ACP1: variants seen among roughly 807,000 people sequenced by gnomAD.
ACP1 encodes the protein acid phosphatase 1.
In ACP1, 23 loss-of-function variants were observed where a neutral mutation model predicts 23.4. The ratio of observed to expected loss-of-function variants is 0.98; its 90% CI spans 0.71 to 1.39. The LOEUF is 1.39. Among genes scored for constraint, ACP1 ranks in the 40% most tolerant of loss-of-function variants. ACP1 has a pLI of 0.00. For synonymous variants in ACP1, 72 were observed against 67.2 expected (o/e 1.07, Z -0.35); for missense variants, 180 against 197.7 (o/e 0.91, Z 0.54).
In ACP1 at chr2:264,980, A is replaced by T. The variant is rs369444515; in HGVS notation, c.16A>T (p.Thr6Ser). The change falls in exon 1 of 6, where the codon ACC becomes TCC. Residue 6 changes from threonine to serine, a missense_variant. By Grantham distance (58) the Thr-to-Ser change is moderately conservative. Around this residue, in one of 3 missense-constraint regions of ACP1, gnomAD observed 132 missense variants for 124.1 expected, o/e 1.06. Coordinates refer to ENST00000272065, the MANE Select transcript of ACP1 (RefSeq NM_004300.4). ...GCGCGGGAAGATGGCGGAACAGGCT[A>T]CCAAGTCCGTGCTGTTTGTGTGTCT... is the stretch of plus-strand genomic sequence containing the variant. MAEQA[T>S]KSVLFVCLGN... is the part of the protein sequence containing the mutation. The T allele has an allele frequency of 1.2e-6, 2 of 1,612,870 alleles. No homozygotes were observed. Among genetic ancestry groups the T allele is most frequent in the South Asian group, 2.2e-5 (2 of 90,948 alleles).
chr2:265,237 CG>C (rs1210276207), intron 1 of ACP1: 1 of 496,768 alleles, frequency 2.0e-6, no homozygotes, highest in Non-Finnish European at 3.5e-6. Flanking sequence ...GCCATATATC[CG>C]GGGCTCTTGG....
intron 1 of ACP1, 61 bp downstream of exon 1, chr2:265,068 G>A: frequency 6.2e-7 from 1 of 1,600,102 alleles, no homozygotes; most frequent in Admixed American, 1.7e-5. Context: ...TCGGGCTTGT[G>A]CGCTGTAGGT....
At chr2:268,571 G>A (rs1202920739) in intron 1 of ACP1, among the ~76,000 whole-genome samples, 1 of 152,144 alleles carries the variant, frequency 6.6e-6, no homozygotes, top group Non-Finnish European at 1.5e-5. Context: ...ACCCATACTG[G>A]GTGCTGGGTC....
chr2:271,822 C>A, intron 1 of ACP1, 44 bp from the exon 2 acceptor site: 1 of 1,500,196 alleles, frequency 6.7e-7, no homozygotes, highest in Non-Finnish European at 9.3e-7. Context: ...TGTGCCCTTC[C>A]ATCCAACCTA....
At chr2:275,242 T>C (rs1483350786) in intron 4 of ACP1, 41 bp downstream of exon 4, 1 of 1,197,494 alleles carries the variant, frequency 8.4e-7, no homozygotes, top group East Asian at 2.4e-5. Context: ...CAACTCTCAG[T>C]TCAGCAGTGG....
At position 271,956 on chromosome 2, in the gene ACP1, A is replaced by G. The variant is rs1427535766; in HGVS notation, c.117+17A>G. On this transcript the variant is annotated intron_variant, in intron 2 of 5. Transcript: ENST00000272065. ...TCAGAGAATGTAAGTACCATTCATT[A>G]TCTTAAAGAGGCCAACCTGAACTCC... 3 of 1,609,884 alleles carry G rather than the reference A, an allele frequency of 1.9e-6. No homozygotes were observed. Among genetic ancestry groups the G allele is most frequent in the South Asian group, 1.1e-5 (1 of 90,982 alleles).
intron 4 of ACP1, 144 bp from the exon 5 acceptor site, chr2:276,836 G>C (rs1435156199): frequency 1.7e-6 from 1 of 604,184 alleles, no homozygotes; most frequent in Admixed American, 3.1e-5. Context: ...GGGGCCACAC[G>C]GGCCTGCTGA....
intron 2 of ACP1, 21 bp downstream of exon 2, chr2:271,960 T>G: frequency 1.2e-6 from 2 of 1,608,318 alleles, no homozygotes; most frequent in Non-Finnish European, 1.7e-6. Flanking sequence ...TTCATTATCT[T>G]AAAGAGGCCA....
At chr2:265,667 T>A (rs1164483606) in intron 1 of ACP1, among the ~76,000 whole-genome samples, 1 of 152,246 alleles carries the variant, frequency 6.6e-6, no homozygotes, top group Non-Finnish European at 1.5e-5. Flanking sequence ...TCTTCAGGGA[T>A]CTTCCTTTGG....
Position 277,705 on chromosome 2 carries a change from G to A in ACP1, c.*401G>A. The A allele has an allele frequency of 8.6e-6, 2 of 232,362 alleles. No homozygotes were observed. Among genetic ancestry groups the A allele is most frequent in the South Asian group, 6.5e-5 (1 of 15,500 alleles). 14.4% of individuals were successfully genotyped at this position (232,362 alleles called of 1,614,324 possible). A position where few individuals can be genotyped will look rare whatever the true frequency, so the allele number is the denominator to read the frequency against. ...GTTTGTGTGGATGGCCTGGAGGGCA[G>A]GTGCCCTCTGCTCCCCAGTGCTACC... On this transcript the variant is annotated 3_prime_UTR_variant, in exon 6 of 6. Transcript: ENST00000272065.
intron 4 of ACP1, among the ~76,000 whole-genome samples, chr2:275,908 C>T (rs767658413): frequency 6.6e-6 from 1 of 152,176 alleles, no homozygotes; most frequent in Non-Finnish European, 1.5e-5. Flanking sequence ...TACAAATGAA[C>T]AGATAGGGAT....
rs1000620127 is a variant in ACP1 at position 277,372 on chromosome 2, G to A, written c.*68G>A. 27 of 1,423,024 alleles carry A rather than the reference G, an allele frequency of 1.9e-5. No homozygotes were observed. The East Asian group carries it at 3.2e-4, about 17-fold the overall frequency. The allele number at this position is 1,423,024 out of a possible 1,614,324, so 88.1% of individuals were successfully genotyped here. On this transcript the variant is annotated 3_prime_UTR_variant, in exon 6 of 6. Coordinates refer to ENST00000272065, the MANE Select transcript of ACP1 (RefSeq NM_004300.4). ...CCCTGAGGTCCTGCATTTCTCAGTC[G>A]GTGTGTAATCACGTTCCAGGGCCCA... is the stretch of plus-strand genomic sequence containing the variant.
intron 4 of ACP1, among the ~76,000 whole-genome samples, chr2:275,969 G>T (rs370586324): frequency 6.6e-6 from 1 of 152,162 alleles, no homozygotes; most frequent in African/African-American, 2.4e-5. Context: ...TAAAATGCAT[G>T]TATTTTTTAA....
chr2:274,738 C>G (rs1328633437), intron 3 of ACP1: 1 of 152,730 alleles, frequency 6.5e-6, no homozygotes, highest in Admixed American at 6.5e-5. Flanking sequence ...GCTCTGTCCA[C>G]TTAGCTTGGT....
chr2:272,078 G>T lies in ACP1; in HGVS notation c.159G>T (p.Gly53=). 1 of 1,614,110 alleles carries T rather than the reference G, an allele frequency of 6.2e-7. No individual in the cohort carries two copies. Among genetic ancestry groups the T allele is most frequent in the Non-Finnish European group, 8.5e-7 (1 of 1,180,024 alleles). The change falls in exon 3 of 6, where the codon GGG becomes GGT. Residue 53 remains glycine, a synonymous_variant. Coordinates refer to ENST00000272065, the MANE Select transcript of ACP1 (RefSeq NM_004300.4). The part of the protein sequence containing the change: ...DSAATSGYEI[G]NPPDYRGQSC... ...CGGCAACTTCCGGGTATGAGATAGG[G>T]AACCCCCCTGACTACCGAGGGCAGA... is the stretch of plus-strand genomic sequence containing the variant.
intron 1 of ACP1, among the ~76,000 whole-genome samples, chr2:270,483 CTTTCTTT>C (rs1476160492): frequency 6.6e-6 from 1 of 152,134 alleles, no homozygotes; most frequent in African/African-American, 2.4e-5. Context: ...CATCTCTAAT[CTTTCTTT>C]TTTCTGGTAA....
In ACP1 at chr2:277,213, T is replaced by C; in HGVS notation, c.400-14T>C. ...GCAGGTTTTGCCATTTTCTTCTTTT[T>C]CCTGTCCATTTAGGGGAATGACTCT... On this transcript the variant is annotated splice_polypyrimidine_tract_variant and intron_variant, in intron 5 of 5. Coordinates refer to ENST00000272065, the MANE Select transcript of ACP1 (RefSeq NM_004300.4). 1 of 1,614,108 alleles carries C rather than the reference T, an allele frequency of 6.2e-7. No individual in the cohort carries two copies. The highest frequency in any genetic ancestry group is 1.7e-5 in the Admixed American group (1 of 60,026).
At chr2:277,166 G>A in intron 5 of ACP1, 61 bp from the exon 6 acceptor site, 5 of 1,589,668 alleles carry the variant, frequency 3.1e-6, no homozygotes, top group Non-Finnish European at 4.3e-6. Context: ...AGATGAGATT[G>A]TGTTAAGGAT....
chr2:270,480 A>G (rs1669998245), intron 1 of ACP1, among the ~76,000 whole-genome samples: 1 of 151,926 alleles, frequency 6.6e-6, no homozygotes, highest in South Asian at 2.1e-4. Context: ...TATCATCTCT[A>G]ATCTTTCTTT....
Sources: allele counts gnomAD v4.1 joint callset (sites outside exome capture counted in the v4.1 genomes callset), GRCh38; gene constraint gnomAD v4.1.1; regional missense constraint gnomAD v4.1.1; transcripts MANE v1.5; gene names NCBI Gene and HGNC (gene_info 2026-07-23, HGNC 2026-07-21).